RIC1: variants seen among roughly 807,000 people sequenced by gnomAD.
The protein encoded by RIC1 is RIC1 partner of RAB6A GEF complex, also known as guanine nucleotide exchange factor subunit RIC1.
In RIC1, 88 loss-of-function variants were observed where a neutral mutation model predicts 169.0. The ratio of observed to expected loss-of-function variants is 0.52; its 90% CI spans 0.44 to 0.62. The LOEUF (loss-of-function observed/expected upper bound fraction) is 0.62, where lower values mean the gene tolerates loss of function less well. Among genes scored for constraint, RIC1 ranks in the 20% least tolerant of loss-of-function variants. The probability of loss-of-function intolerance (pLI) is 0.00; values close to 1 mark genes in which losing one functional copy is unlikely to be tolerated. For synonymous variants in RIC1, 790 were observed against 601.5 expected (o/e 1.31, Z -4.59); for missense variants, 1,877 against 1,725.5 (o/e 1.09, Z -1.56).
chr9:5,706,666 T>A (rs1586986019), intron 3 of RIC1, among the ~76,000 whole-genome samples: 1 of 152,240 alleles, frequency 6.6e-6, no homozygotes, highest in East Asian at 1.9e-4. Context: ...TTTCCTCGAG[T>A]CAGTTGGGAA....
intron 3 of RIC1, among the ~76,000 whole-genome samples, chr9:5,705,774 C>T (rs935664828): frequency 6.6e-6 from 1 of 152,128 alleles, no homozygotes. Flanking sequence ...GTTAGCTGTG[C>T]GCTTTATCAT....
chr9:5,646,861 T>A (rs1818544512), intron 1 of RIC1, among the ~76,000 whole-genome samples: 1 of 152,210 alleles, frequency 6.6e-6, no homozygotes, highest in Non-Finnish European at 1.5e-5. Flanking sequence ...GCTTTCAGTA[T>A]CATATCCAAG....
intron 1 of RIC1, 93 bp downstream of exon 1, chr9:5,629,546 G>T: frequency 7.6e-7 from 1 of 1,320,244 alleles, no homozygotes; most frequent in South Asian, 1.5e-5. Context: ...TAGGACTCCT[G>T]CCCCTTCGTG....
intron 15 of RIC1, among the ~76,000 whole-genome samples, chr9:5,755,769 A>G (rs1337184804): frequency 2.0e-5 from 3 of 152,082 alleles, no homozygotes; most frequent in African/African-American, 7.2e-5. Flanking sequence ...TTAAAAATGC[A>G]AAAATTATCC....
intron 17 of RIC1, among the ~76,000 whole-genome samples, chr9:5,759,149 G>T (rs1056361015): frequency 4.6e-5 from 7 of 152,168 alleles, no homozygotes; most frequent in Admixed American, 1.3e-4. Context: ...ATTGATAAGG[G>T]AATATACTGT....
At chr9:5,695,113 G>C (rs934132288) in intron 3 of RIC1, among the ~76,000 whole-genome samples, 1 of 152,178 alleles carries the variant, frequency 6.6e-6, no homozygotes, top group African/African-American at 2.4e-5. Flanking sequence ...TAAAATAGTG[G>C]TCAGTGTCTT....
At chr9:5,708,021 C>T (rs1056566643) in intron 3 of RIC1, among the ~76,000 whole-genome samples, 5 of 151,704 alleles carry the variant, frequency 3.3e-5, no homozygotes, top group African/African-American at 9.7e-5. Flanking sequence ...GATTTTTTTG[C>T]ATTGTACCAT....
In RIC1 at chr9:5,769,241, G is replaced by A. The variant is rs267602255; in HGVS notation, c.3409G>A (p.Gly1137Arg). The A allele has an allele frequency of 6.2e-7, 1 of 1,614,088 alleles. No homozygotes were observed. Among genetic ancestry groups the A allele is most frequent in the South Asian group, 1.1e-5 (1 of 91,080 alleles). Reference sequence around the variant, plus strand: ...TTCTATCAGTTCTCCTTTCAAAAATGGAAAATACCGAACTGGTAATGTAGA... The same window carrying A: ...TTCTATCAGTTCTCCTTTCAAAAATAGAAAATACCGAACTGGTAATGTAGA... ...ASSISSPFKN[G>R]KYRTVGEQLL... The change falls in exon 22 of 26, where the codon GGA (glycine) becomes AGA (arginine). Residue 1137 changes from glycine (G) to arginine (R), a missense_variant. Gly to Arg is a moderately radical substitution (Grantham distance 125). This residue lies in a region of RIC1 where 681 missense variants were observed against 582.0 expected (regional missense o/e 1.17). Coordinates refer to ENST00000414202, the MANE Select transcript of RIC1 (RefSeq NM_020829.4).
intron 1 of RIC1, among the ~76,000 whole-genome samples, chr9:5,646,668 C>T (rs1818531520): frequency 6.6e-6 from 1 of 152,222 alleles, no homozygotes; most frequent in Non-Finnish European, 1.5e-5. Flanking sequence ...GTGATGTTCA[C>T]ATGATGACAA....
At chr9:5,671,915 C>T (rs576119289) in intron 2 of RIC1, among the ~76,000 whole-genome samples, 1 of 152,294 alleles carries the variant, frequency 6.6e-6, no homozygotes, top group Non-Finnish European at 1.5e-5. Flanking sequence ...AAAGTGGAAT[C>T]CTGTGGTTTC....
At chr9:5,731,720 T>G (rs947504943) in intron 6 of RIC1, among the ~76,000 whole-genome samples, 4 of 152,190 alleles carry the variant, frequency 2.6e-5, no homozygotes, top group African/African-American at 9.6e-5. Context: ...TATTGAATGC[T>G]TGTTGAATGG....
chr9:5,726,145 C>T (rs541069378), intron 6 of RIC1, among the ~76,000 whole-genome samples: 22 of 152,220 alleles, frequency 1.4e-4, no homozygotes, highest in Admixed American at 7.8e-4. Context: ...CTAATGTTTA[C>T]GGTGGGGTGT....
chr9:5,776,418 A>ATAAAT lies in RIC1; in HGVS notation c.*2175_*2179dup, dbSNP rs534902153. Reference sequence around the variant, plus strand: ...TGAGGTTTACTAGATGCATTTATTAATAAATTATTTGCTGAAACCAAAACA... The same window carrying ATAAAT: ...TGAGGTTTACTAGATGCATTTATTAATAAATTAAATTATTTGCTGAAACCAAAACA... On this transcript the variant is annotated 3_prime_UTR_variant, in exon 26 of 26. Transcript: ENST00000414202. The ATAAAT allele has an allele frequency of 1.0e-3, 159 of 152,224 alleles. 2 individuals are homozygous for ATAAAT. The highest frequency in any genetic ancestry group is 4.2e-3 in the Admixed American group (64 of 15,280). The allele number at this position is 152,224 out of a possible 1,614,324, so 9.4% of individuals were successfully genotyped here. A position where few individuals can be genotyped will look rare whatever the true frequency, so the allele number is the denominator to read the frequency against.
rs1825435758 is a variant in RIC1 at position 5,747,310 on chromosome 9, A to G, written c.1257A>G (p.Gln419=). Residue 419 remains glutamine (Q), a synonymous_variant, in exon 12 of 26, where the codon CAA becomes CAG. Transcript: ENST00000414202. ...CTCTTTCCCTCATTTAGAGTAACCA[A>G]GAGCAGGTGTTGCTTCAGGGTGAGG... is the stretch of plus-strand genomic sequence containing the variant. ...VLTVNPCMSN[Q]EQVLLQGEDR... is the part of the protein sequence containing the mutation. The G allele has an allele frequency of 5.6e-6, 9 of 1,613,974 alleles. No individual in the cohort carries two copies. Among genetic ancestry groups the G allele is most frequent in the Non-Finnish European group, 6.8e-6 (8 of 1,179,858 alleles).
intron 2 of RIC1, among the ~76,000 whole-genome samples, chr9:5,680,069 A>C (rs1321341123): frequency 1.3e-5 from 2 of 152,172 alleles, no homozygotes; most frequent in Admixed American, 1.3e-4. Flanking sequence ...GAATTTTGTC[A>C]AAGGCCTTTT....
At chr9:5,720,474 TAGGAA>T in intron 5 of RIC1, 135 bp from the exon 6 acceptor site, 1 of 1,136,072 alleles carries the variant, frequency 8.8e-7, no homozygotes. Flanking sequence ...AGGCATTTAA[TAGGAA>T]AGGACAGTTT....
At position 5,656,572 on chromosome 9, in the gene RIC1, T is replaced by TA; in HGVS notation, c.145-9dup. ...AAAAAATACAACTTTTTTTTTTTTT[T>TA]AATCACACAGCCTAGTGTGTTAATT... On this transcript the variant is annotated splice_polypyrimidine_tract_variant and intron_variant, in intron 1 of 25. Coordinates refer to ENST00000414202, the MANE Select transcript of RIC1 (RefSeq NM_020829.4). The TA allele has an allele frequency of 7.3e-7, 1 of 1,377,754 alleles. No individual in the cohort carries two copies. The allele number at this position is 1,377,754 out of a possible 1,614,324, so 85.3% of individuals were successfully genotyped here.
At position 5,747,430 on chromosome 9, in the gene RIC1, C is replaced by T; in HGVS notation, c.1377C>T (p.Ser459=). Residue 459 remains serine, a synonymous_variant, in exon 12 of 26, where the codon AGC becomes AGT. Transcript: ENST00000414202. ...AGCATAAGCCCAGTCGAGAAAAGAG[C>T]CCATTTGCAGATGGAGGTTTAGAGT... ...HSEHKPSREK[S]PFADGGLESQ... 7 of 1,614,044 alleles carry T rather than the reference C, an allele frequency of 4.3e-6. No individual in the cohort carries two copies. The highest frequency in any genetic ancestry group is 5.9e-6 in the Non-Finnish European group (7 of 1,179,944).
rs1212790102 is a variant in RIC1, at chr9:5,746,001, C to T, written c.1166C>T (p.Ser389Phe). The T allele has an allele frequency of 1.2e-6, 2 of 1,613,524 alleles. No individual in the cohort carries two copies. The highest frequency in any genetic ancestry group is 1.3e-5 in the African/African-American group (1 of 74,984). ...GFGSQNTEIE[S>F]DLRSVVKQPS... ...GGTTCTCAAAACACTGAAATTGAGT[C>T]TGACCTCAGGAGTGTAGTTAAACAG... The change falls in exon 11 of 26, where the codon TCT becomes TTT. Residue 389 changes from serine to phenylalanine, a missense_variant. Transcript: ENST00000414202.
Sources: allele counts gnomAD v4.1 joint callset (sites outside exome capture counted in the v4.1 genomes callset), GRCh38; gene constraint gnomAD v4.1.1; regional missense constraint gnomAD v4.1.1; transcripts MANE v1.5; gene names NCBI Gene and HGNC (gene_info 2026-07-23, HGNC 2026-07-21).